SLCO1C1: variants seen among roughly 807,000 people sequenced by gnomAD.
SLCO1C1 encodes the protein solute carrier organic anion transporter family member 1C1.
SLCO1C1 carries 70 observed loss-of-function variants against 76.4 expected under a neutral mutation model. The observed-to-expected ratio is 0.92, with a 90% CI of 0.76 to 1.12. The LOEUF (loss-of-function observed/expected upper bound fraction) is 1.12, where lower values mean the gene tolerates loss of function less well. Among genes scored for constraint, SLCO1C1 ranks in the 50% most tolerant of loss-of-function variants. SLCO1C1 has a pLI of 0.00. For synonymous variants in SLCO1C1, 306 were observed against 286.1 expected (o/e 1.07, Z -0.70); for missense variants, 912 against 823.8 (o/e 1.11, Z -1.31).
intron 13 of SLCO1C1, among the ~76,000 whole-genome samples, chr12:20,745,552 C>T (rs951824294): frequency 3.9e-5 from 6 of 151,996 alleles, no homozygotes; most frequent in African/African-American, 7.2e-5. Flanking sequence ...AGGCTGGGTG[C>T]GGTGGCTCAT....
chr12:20,740,982 G>T (rs1948793247), intron 12 of SLCO1C1, among the ~76,000 whole-genome samples: 2 of 151,644 alleles, frequency 1.3e-5, no homozygotes, highest in Admixed American at 6.6e-5. Context: ...AAGGAAAGAG[G>T]TTTAATTGAC....
At chr12:20,748,672 T>G (rs1162391208) in intron 13 of SLCO1C1, among the ~76,000 whole-genome samples, 2 of 152,214 alleles carry the variant, frequency 1.3e-5, no homozygotes, top group Non-Finnish European at 2.9e-5. Flanking sequence ...AAATTCCTCA[T>G]TCTTATTTTT....
At chr12:20,745,523 A>G (rs978671818) in intron 13 of SLCO1C1, among the ~76,000 whole-genome samples, 2 of 152,122 alleles carry the variant, frequency 1.3e-5, no homozygotes, top group African/African-American at 2.4e-5. Flanking sequence ...TGATACAAGT[A>G]TAAAATAAAA....
chr12:20,704,492 T>A (rs1056371505), intron 3 of SLCO1C1, among the ~76,000 whole-genome samples: 36 of 151,808 alleles, frequency 2.4e-4, no homozygotes, highest in Non-Finnish European at 4.3e-4. Context: ...ACACAATGTC[T>A]TCTACTAAAT....
chr12:20,740,149 C>T, intron 11 of SLCO1C1, 35 bp from the exon 12 acceptor site: 2 of 1,547,344 alleles, frequency 1.3e-6, no homozygotes, highest in Admixed American at 2.0e-5. Flanking sequence ...TTAAATGTTA[C>T]TGAAATAATT....
chr12:20,750,587 T>C, intron 13 of SLCO1C1, 88 bp from the exon 14 acceptor site: 1 of 1,199,588 alleles, frequency 8.3e-7, no homozygotes, highest in Non-Finnish European at 1.2e-6. Flanking sequence ...AAACAGTAAT[T>C]AGATTAAAGT....
chr12:20,752,482 A>G lies in SLCO1C1; in HGVS notation c.2093A>G (p.His698Arg). 1 of 1,611,296 alleles carries G rather than the reference A, an allele frequency of 6.2e-7. No homozygotes were observed. The highest frequency in any genetic ancestry group is 8.5e-7 in the Non-Finnish European group (1 of 1,178,298). Residue 698 changes from histidine to arginine, a missense_variant, in exon 15 of 15, where the codon CAT becomes CGT. Coordinates refer to ENST00000266509, the MANE Select transcript of SLCO1C1 (RefSeq NM_017435.5). ...AAGGAAAATTACACTACAAGTGATC[A>G]TCTGCTACAACCCAACTACTGGCCA... ...FQKENYTTSD[H>R]LLQPNYWPGK...
Position 20,706,063 on chromosome 12 carries a change from C to A in SLCO1C1, c.386C>A (p.Pro129His). 6.2e-7 allele frequency: 1 copy of A among 1,612,398 alleles called. No individual in the cohort carries two copies. The highest frequency in any genetic ancestry group is 8.5e-7 in the Non-Finnish European group (1 of 1,179,028). The change falls in exon 4 of 15, where the codon CCT becomes CAT. Residue 129 changes from proline (P) to histidine (H), a missense_variant. Coordinates refer to ENST00000266509, the MANE Select transcript of SLCO1C1 (RefSeq NM_017435.5). ...MGVGTLLIAMPQFFMEQYKYE... is the reference protein window; with the variant it reads ...MGVGTLLIAMHQFFMEQYKYE... ...GTTGGAACACTGCTCATTGCAATGC[C>A]TCAGTTCTTCATGGAGCAGTAAGTC...
intron 2 of SLCO1C1, chr12:20,700,305 A>C (rs796298352): frequency 5.3e-5 from 8 of 152,108 alleles, no homozygotes; most frequent in African/African-American, 1.9e-4. Flanking sequence ...TTGCATCTCC[A>C]TAATGACTAG....
At chr12:20,723,963 A>G (rs1565522777) in intron 9 of SLCO1C1, among the ~76,000 whole-genome samples, 1 of 152,080 alleles carries the variant, frequency 6.6e-6, no homozygotes, top group Non-Finnish European at 1.5e-5. Context: ...CTATATTTCT[A>G]CCTCTGAAAG....
intron 10 of SLCO1C1, among the ~76,000 whole-genome samples, chr12:20,735,277 G>A (rs1948486428): frequency 1.3e-5 from 2 of 152,090 alleles, no homozygotes; most frequent in South Asian, 4.1e-4. Context: ...CAATAACAAG[G>A]ACAACTCTGA....
Position 20,717,231 on chromosome 12 carries a change from G to A in SLCO1C1, c.775+1G>A. On this transcript the variant is annotated splice_donor_variant, in intron 7 of 14. Coordinates refer to ENST00000266509, the MANE Select transcript of SLCO1C1 (RefSeq NM_017435.5). LOFTEE classifies it high-confidence loss of function. ...GTTGACATTGGCTTTGTAAACCTAG[G>A]TAAGGAAGTTTATTTTTTATTTATT... 1 of 1,576,824 alleles carries A rather than the reference G, an allele frequency of 6.3e-7. No individual in the cohort carries two copies. Among genetic ancestry groups the A allele is most frequent in the Non-Finnish European group, 8.6e-7 (1 of 1,168,008 alleles).
chr12:20,751,122 G>C (rs1949284555), intron 14 of SLCO1C1, among the ~76,000 whole-genome samples: 1 of 151,986 alleles, frequency 6.6e-6, no homozygotes, highest in African/African-American at 2.4e-5. Flanking sequence ...TTAAATTTAG[G>C]TCACATTTTG....
At position 20,728,190 on chromosome 12, in the gene SLCO1C1, A is replaced by G. The variant is rs180790950; in HGVS notation, c.1187-4719A>G. The stretch of plus-strand genomic sequence containing the variant: ...TAATCCATGTTGAGTTAATTTTTGT[A>G]TATGATGATGATAAGGGGTCCAGTT... On this transcript the variant is annotated intron_variant, in intron 9 of 14. Transcript: ENST00000266509. Among the ~76,000 whole-genome samples the G allele has an allele frequency of 3.9e-5, 6 of 152,196 alleles. No homozygotes were observed. In the East Asian group the frequency reaches 1.2e-3, roughly 29 times the overall value.
At chr12:20,699,835 T>C in intron 2 of SLCO1C1, 130 bp downstream of exon 2, 1 of 1,103,382 alleles carries the variant, frequency 9.1e-7, no homozygotes, top group Admixed American at 3.6e-5. Flanking sequence ...TGCAATTTAC[T>C]AAAACCACAC....
At chr12:20,740,787 T>TCATATATATATATATATATA (rs1565541668) in intron 12 of SLCO1C1, among the ~76,000 whole-genome samples, 1 of 75,058 alleles carries the variant, frequency 1.3e-5, no homozygotes, top group African/African-American at 5.4e-5. Flanking sequence ...TTTATTTTAT[T>TCATATATATATATATATATA]TATATATATA....
intron 7 of SLCO1C1, among the ~76,000 whole-genome samples, chr12:20,718,995 A>G (rs1947518929): frequency 6.6e-6 from 1 of 151,694 alleles, no homozygotes; most frequent in Non-Finnish European, 1.5e-5. Flanking sequence ...GTCTGTGGCA[A>G]CTCTGTGTTG....
chr12:20,743,187 C>T, intron 12 of SLCO1C1, 118 bp from the exon 13 acceptor site: 2 of 953,384 alleles, frequency 2.1e-6, no homozygotes, highest in Non-Finnish European at 1.6e-6. Context: ...ATGGGTTCAA[C>T]ATAAATGGCA....
intron 9 of SLCO1C1, 72 bp downstream of exon 9, chr12:20,723,326 C>T (rs1036426668): frequency 7.4e-5 from 113 of 1,523,846 alleles, no homozygotes; most frequent in East Asian, 4.9e-4. Flanking sequence ...CGGGAATCTT[C>T]GAGAAGATTC....
Sources: gnomAD v4.1 joint callset for allele counts (sites outside exome capture counted in the v4.1 genomes callset) on GRCh38, gnomAD v4.1.1 for gene constraint, MANE v1.5 for transcripts, NCBI Gene and HGNC (gene_info 2026-07-23, HGNC 2026-07-21) for gene names.